LUZP2: variants seen among roughly 807,000 people sequenced by gnomAD.
LUZP2 encodes leucine zipper protein 2.
Under a neutral mutation model 51.6 loss-of-function variants are expected in LUZP2, and 52 were observed. That is an observed-to-expected ratio of 1.01 (90% confidence interval 0.81 to 1.27). The LOEUF (loss-of-function observed/expected upper bound fraction) is 1.27, where lower values mean the gene tolerates loss of function less well. Ranked by LOEUF, LUZP2 falls within the 50% of genes most tolerant of loss-of-function variation. LUZP2 has a pLI of 0.00. For synonymous variants in LUZP2, 154 were observed against 137.3 expected, an observed-to-expected ratio of 1.12 and a Z score of -0.85; for missense variants, 436 against 395.4, an observed-to-expected ratio of 1.10 and a Z score of -0.87.
intron 1 of LUZP2, among the ~76,000 whole-genome samples, chr11:24,532,494 AT>A (rs922197876): frequency 2.0e-5 from 3 of 151,080 alleles, no homozygotes; most frequent in Non-Finnish European, 4.5e-5. Flanking sequence ...CCTAAGAACC[AT>A]CTCAATTATA....
At chr11:25,042,759 C>T (rs1248376790) in intron 9 of LUZP2, among the ~76,000 whole-genome samples, 1 of 152,050 alleles carries the variant, frequency 6.6e-6, no homozygotes, top group African/African-American at 2.4e-5. Context: ...ATATCTGCCC[C>T]CATTACCACC....
chr11:25,011,868 AAT>A (rs1345413655), intron 9 of LUZP2, among the ~76,000 whole-genome samples: 4 of 151,792 alleles, frequency 2.6e-5, no homozygotes, highest in African/African-American at 9.6e-5. Context: ...CTAGAGAGAG[AAT>A]ATATATGTTT....
intron 7 of LUZP2, among the ~76,000 whole-genome samples, chr11:24,939,412 A>G (rs554413411): frequency 6.6e-6 from 1 of 152,082 alleles, no homozygotes; most frequent in East Asian, 1.9e-4. Flanking sequence ...CTCTCGGGGG[A>G]AGGGATCACT....
intron 1 of LUZP2, among the ~76,000 whole-genome samples, chr11:24,666,900 A>G (rs1856231475): frequency 6.6e-6 from 1 of 152,194 alleles, no homozygotes; most frequent in African/African-American, 2.4e-5. Flanking sequence ...TGGACAGAAT[A>G]TATCAACTGA....
At chr11:25,010,665 A>G (rs900064976) in intron 9 of LUZP2, among the ~76,000 whole-genome samples, 1 of 143,392 alleles carries the variant, frequency 7.0e-6, no homozygotes, top group Admixed American at 7.3e-5. Flanking sequence ...CTTTGCCAAC[A>G]TGGTGAAACC....
intron 5 of LUZP2, chr11:24,786,133 G>A: frequency 3.0e-6 from 3 of 985,174 alleles, no homozygotes; most frequent in Non-Finnish European, 3.6e-6. Context: ...ATCCCTCAAA[G>A]TTATGAAGGC....
At chr11:24,885,432 C>T (rs1253953716) in intron 5 of LUZP2, among the ~76,000 whole-genome samples, 1 of 151,932 alleles carries the variant, frequency 6.6e-6, no homozygotes, top group Non-Finnish European at 1.5e-5. Flanking sequence ...AACAAGGACT[C>T]AAGATGTTAC....
At chr11:24,915,549 C>T (rs971576547) in intron 7 of LUZP2, among the ~76,000 whole-genome samples, 6 of 151,980 alleles carry the variant, frequency 3.9e-5, no homozygotes, top group African/African-American at 1.5e-4. Flanking sequence ...GCATTTTTAG[C>T]AATTTTAGAT....
intron 1 of LUZP2, among the ~76,000 whole-genome samples, chr11:24,657,583 C>T (rs1485358705): frequency 6.6e-6 from 1 of 152,098 alleles, no homozygotes; most frequent in Non-Finnish European, 1.5e-5. Context: ...CCAGGGCAAT[C>T]ATGCAGGAGA....
chr11:25,030,602 T>C (rs1325658241), intron 9 of LUZP2, among the ~76,000 whole-genome samples: 1 of 151,734 alleles, frequency 6.6e-6, no homozygotes, highest in East Asian at 1.9e-4. Flanking sequence ...ACTTTAAGCC[T>C]TAAATTTTGC....
chr11:24,948,229 G>T (rs1057033517), intron 7 of LUZP2, among the ~76,000 whole-genome samples: 5 of 150,020 alleles, frequency 3.3e-5, no homozygotes, highest in Non-Finnish European at 5.9e-5. Flanking sequence ...TTTTTCATTT[G>T]TTTATTGTAC....
chr11:24,970,917 A>G (rs531823361), intron 7 of LUZP2, among the ~76,000 whole-genome samples: 1 of 152,320 alleles, frequency 6.6e-6, no homozygotes, highest in East Asian at 1.9e-4. Context: ...TGTATTAAGA[A>G]TTTACATTAA....
intron 5 of LUZP2, among the ~76,000 whole-genome samples, chr11:24,898,628 G>GA (rs71447404): frequency 6.4e-4 from 93 of 145,538 alleles, no homozygotes; most frequent in Non-Finnish European, 7.1e-4. Flanking sequence ...GTGTCAGGAA[G>GA]AAAAAAAAAA....
intron 10 of LUZP2, among the ~76,000 whole-genome samples, chr11:25,054,054 A>G (rs1251883640): frequency 6.6e-6 from 1 of 152,164 alleles, no homozygotes; most frequent in Non-Finnish European, 1.5e-5. Flanking sequence ...TTTATTAAAG[A>G]TATTACATAA....
intron 1 of LUZP2, among the ~76,000 whole-genome samples, chr11:24,702,002 TGGC>T (rs1160460571): frequency 1.3e-5 from 2 of 152,342 alleles, no homozygotes; most frequent in East Asian, 3.9e-4. Context: ...TCCTTGACCA[TGGC>T]TCTCCCAGTC....
Position 24,918,456 on chromosome 11 carries a change from G to T in LUZP2, c.522+3918G>T, listed in dbSNP as rs1329806175. 5.9e-5 allele frequency among the ~76,000 whole-genome samples: 9 copies of T among 151,972 alleles called. No homozygotes were observed. The South Asian group carries it at 1.7e-3, about 28-fold the overall frequency. The stretch of plus-strand genomic sequence containing the variant: ...CTTCCAGTTTTTGCCGATTCAGTAG[G>T]TTTGCACATGATTATCTCAGTAGAT... On this transcript the variant is annotated intron_variant, in intron 7 of 11. Transcript: ENST00000336930.
At chr11:24,830,641 C>G (rs974060982) in intron 5 of LUZP2, among the ~76,000 whole-genome samples, 1 of 151,928 alleles carries the variant, frequency 6.6e-6, no homozygotes, top group Non-Finnish European at 1.5e-5. Context: ...CTATTATTAC[C>G]GCAATTTTAG....
chr11:24,554,032 C>A (rs12275248), intron 1 of LUZP2, among the ~76,000 whole-genome samples: 7,063 of 152,194 alleles, frequency 0.046, 510 homozygotes, highest in African/African-American at 0.16. Context: ...CTCTCTGCTG[C>A]GCTGAAGACT....
chr11:24,898,929 T>C (rs1286671191), intron 5 of LUZP2, among the ~76,000 whole-genome samples: 11 of 151,754 alleles, frequency 7.2e-5, no homozygotes, highest in Admixed American at 6.5e-4. Flanking sequence ...CATCATTTCC[T>C]GAGACAGAAT....
Sources: gnomAD v4.1 joint callset for allele counts (sites outside exome capture counted in the v4.1 genomes callset) on GRCh38, gnomAD v4.1.1 for gene constraint, MANE v1.5 for transcripts, NCBI Gene and HGNC (gene_info 2026-07-23, HGNC 2026-07-21) for gene names.